Variants in HTR1F observed in about 807,000 individuals in gnomAD.
HTR1F encodes the protein 5-hydroxytryptamine receptor 1F.
HTR1F carries 17 observed loss-of-function variants against 24.0 expected under a neutral mutation model. The observed-to-expected ratio is 0.71, with a 90% CI of 0.48 to 1.06. The LOEUF is 1.06. HTR1F is among the 50% of genes least tolerant of loss of function. HTR1F has a pLI of 0.00. For missense variants in HTR1F, 391 were observed against 427.8 expected (o/e 0.91, Z 0.76); for synonymous variants, 186 against 156.8 (o/e 1.19, Z -1.39).
chr3:87,951,454 T>C (rs753549297), intron 2 of HTR1F, among the ~76,000 whole-genome samples: 5 of 152,020 alleles, frequency 3.3e-5, no homozygotes, highest in Non-Finnish European at 5.9e-5. Context: ...TCTAAAGAAA[T>C]TGAAGTGTGT....
chr3:87,802,645 G>A (rs1260470761), intron 1 of HTR1F, among the ~76,000 whole-genome samples: 2 of 151,988 alleles, frequency 1.3e-5, no homozygotes, highest in Admixed American at 6.6e-5. Context: ...CACCGCTCCT[G>A]GCTTGATTTT....
intron 2 of HTR1F, among the ~76,000 whole-genome samples, chr3:87,952,958 A>T (rs1032394005): frequency 4.0e-5 from 6 of 151,898 alleles, no homozygotes; most frequent in Admixed American, 3.9e-4. Context: ...TATCAAAATA[A>T]GTAATAACTA....
chr3:87,962,485 C>G (rs186320389), intron 2 of HTR1F, among the ~76,000 whole-genome samples: 1 of 151,946 alleles, frequency 6.6e-6, no homozygotes, highest in Admixed American at 6.6e-5. Flanking sequence ...CTTCATTATA[C>G]TTAAGTCAAC....
At chr3:87,866,041 C>T (rs1705420184) in intron 2 of HTR1F, among the ~76,000 whole-genome samples, 1 of 152,130 alleles carries the variant, frequency 6.6e-6, no homozygotes, top group Admixed American at 6.6e-5. Flanking sequence ...TTTTCCTGTC[C>T]TAAGTTTTTC....
At chr3:87,975,615 A>C (rs1705379422) in intron 2 of HTR1F, among the ~76,000 whole-genome samples, 1 of 151,644 alleles carries the variant, frequency 6.6e-6, no homozygotes, top group African/African-American at 2.4e-5. Context: ...AAGTAAAGCC[A>C]ATAAAATAAA....
intron 2 of HTR1F, among the ~76,000 whole-genome samples, chr3:87,934,924 G>C (rs1704375092): frequency 6.6e-6 from 1 of 152,118 alleles, no homozygotes; most frequent in Non-Finnish European, 1.5e-5. Context: ...AGAGTGCAGT[G>C]GCATCATCAC....
intron 2 of HTR1F, among the ~76,000 whole-genome samples, chr3:87,974,519 T>G (rs1346879157): frequency 1.3e-5 from 2 of 150,872 alleles, no homozygotes; most frequent in East Asian, 3.9e-4. Context: ...TGCTTGTATC[T>G]CTACTAGTAT....
chr3:87,869,034 C>T (rs2938261), intron 2 of HTR1F, among the ~76,000 whole-genome samples: 24,903 of 151,556 alleles, frequency 0.16, 2,378 homozygotes, highest in African/African-American at 0.26. Context: ...ATACATGTGC[C>T]GTTCATATAT....
At chr3:87,869,103 ATT>A (rs1705489153) in intron 2 of HTR1F, among the ~76,000 whole-genome samples, 1 of 152,068 alleles carries the variant, frequency 6.6e-6, no homozygotes, top group African/African-American at 2.4e-5. Context: ...CTTGAACTTT[ATT>A]GTTATCACAA....
chr3:87,984,321 G>A (rs7630716), intron 2 of HTR1F, among the ~76,000 whole-genome samples: 6 of 151,900 alleles, frequency 3.9e-5, no homozygotes, highest in Admixed American at 3.9e-4. Context: ...TATATGTTAA[G>A]AGTTTTCATG....
intron 2 of HTR1F, among the ~76,000 whole-genome samples, chr3:87,926,550 A>G (rs191546009): frequency 4.1e-4 from 63 of 152,312 alleles, no homozygotes; most frequent in African/African-American, 1.5e-3. Flanking sequence ...TCAATGCCTA[A>G]TACCTAGTAA....
intron 2 of HTR1F, among the ~76,000 whole-genome samples, chr3:87,974,387 G>A (rs1705348891): frequency 6.6e-6 from 1 of 152,130 alleles, no homozygotes; most frequent in Non-Finnish European, 1.5e-5. Context: ...TGTTTTGACT[G>A]GCTCGTACTA....
chr3:87,991,931 A>T lies in HTR1F; in HGVS notation c.*81A>T. The T allele has an allele frequency of 8.2e-7, 1 of 1,225,932 alleles. No homozygotes were observed. Among genetic ancestry groups the T allele is most frequent in the Non-Finnish European group, 1.1e-6 (1 of 884,832 alleles). The allele number at this position is 1,225,932 out of a possible 1,614,324, so 75.9% of individuals were successfully genotyped here. A position where few individuals can be genotyped will look rare whatever the true frequency, so the allele number is the denominator to read the frequency against. On this transcript the variant is annotated 3_prime_UTR_variant, in exon 3 of 3. Coordinates refer to ENST00000319595, the MANE Select transcript of HTR1F (RefSeq NM_001322209.2). ...ATGAATGCCAAATAATAAAACACTT[A>T]AGCTTTTAGAGGGAAATACATGAAA... is the stretch of plus-strand genomic sequence containing the variant.
intron 2 of HTR1F, among the ~76,000 whole-genome samples, chr3:87,885,230 C>A (rs1238296255): frequency 6.6e-6 from 1 of 152,152 alleles, no homozygotes; most frequent in Non-Finnish European, 1.5e-5. Context: ...ACAACCTGCT[C>A]TTGAATGACT....
At chr3:87,857,913 A>T (rs1362907961) in intron 2 of HTR1F, among the ~76,000 whole-genome samples, 3 of 152,190 alleles carry the variant, frequency 2.0e-5, no homozygotes, top group Admixed American at 1.3e-4. Context: ...GCAAGATATG[A>T]TAATAATAAC....
At chr3:87,861,497 A>G (rs1705317600) in intron 2 of HTR1F, among the ~76,000 whole-genome samples, 2 of 152,178 alleles carry the variant, frequency 1.3e-5, no homozygotes, top group Non-Finnish European at 2.9e-5. Context: ...CAAGGACTGT[A>G]TTTCCATAAA....
intron 2 of HTR1F, among the ~76,000 whole-genome samples, chr3:87,949,782 T>C (rs1364277392): frequency 1.3e-5 from 2 of 152,210 alleles, no homozygotes; most frequent in Non-Finnish European, 2.9e-5. Context: ...TTTTCTTTCA[T>C]TTTCTGTGAT....
At chr3:87,965,141 T>C (rs2107485661) in intron 2 of HTR1F, among the ~76,000 whole-genome samples, 1 of 152,318 alleles carries the variant, frequency 6.6e-6, no homozygotes, top group Admixed American at 6.5e-5. Context: ...CAGACTAATA[T>C]ACTGCCCCTG....
intron 2 of HTR1F, among the ~76,000 whole-genome samples, chr3:87,823,135 A>G (rs1575909929): frequency 6.6e-6 from 1 of 152,200 alleles, no homozygotes; most frequent in African/African-American, 2.4e-5. Context: ...CATGTAAGCT[A>G]CTGTCACAAA....
Sources: gnomAD v4.1 joint callset for allele counts (sites outside exome capture counted in the v4.1 genomes callset) on GRCh38, gnomAD v4.1.1 for gene constraint, MANE v1.5 for transcripts, NCBI Gene and HGNC (gene_info 2026-07-23, HGNC 2026-07-21) for gene names.